Variants in EFNA5 observed in about 807,000 individuals in gnomAD.
EFNA5 encodes the protein ephrin A5.
A neutral mutation model predicts 22.9 loss-of-function variants in EFNA5; 5 were observed. That is an observed-to-expected ratio of 0.22 (90% CI 0.11 to 0.46). The LOEUF (loss-of-function observed/expected upper bound fraction) is 0.46. Ranked by LOEUF, EFNA5 falls within the 20% of genes least tolerant of loss-of-function variation. EFNA5 has a pLI of 0.99. For synonymous variants in EFNA5, 113 were observed against 112.2 expected (o/e 1.01, Z -0.04); for missense variants, 237 against 293.3 (o/e 0.81, Z 1.40).
At chr5:107,504,766 A>G (rs1747215990) in intron 1 of EFNA5, among the ~76,000 whole-genome samples, 1 of 152,214 alleles carries the variant, frequency 6.6e-6, no homozygotes, top group African/African-American at 2.4e-5. Flanking sequence ...AAGGTCTGGC[A>G]CATGTTTGTG....
intron 1 of EFNA5, among the ~76,000 whole-genome samples, chr5:107,477,545 T>C (rs1489180641): frequency 4.6e-5 from 7 of 152,208 alleles, no homozygotes; most frequent in Non-Finnish European, 8.8e-5. Flanking sequence ...ATTTATCCTA[T>C]TCTCTTATTT....
At chr5:107,484,438 G>A (rs2112404660) in intron 1 of EFNA5, among the ~76,000 whole-genome samples, 1 of 152,272 alleles carries the variant, frequency 6.6e-6, no homozygotes, top group East Asian at 1.9e-4. Context: ...GAACTAACAT[G>A]GAAGATTTAA....
chr5:107,514,717 G>A (rs1356662908), intron 1 of EFNA5, among the ~76,000 whole-genome samples: 1 of 152,038 alleles, frequency 6.6e-6, no homozygotes, highest in African/African-American at 2.4e-5. Flanking sequence ...CCCTCCAATG[G>A]CTTCCTGTCT....
chr5:107,481,612 G>C (rs1044081989), intron 1 of EFNA5, among the ~76,000 whole-genome samples: 1 of 152,086 alleles, frequency 6.6e-6, no homozygotes, highest in Admixed American at 6.5e-5. Context: ...AGCACTTTCG[G>C]AGGCCAAGGT....
At chr5:107,560,790 C>T (rs1748519230) in intron 1 of EFNA5, among the ~76,000 whole-genome samples, 1 of 152,188 alleles carries the variant, frequency 6.6e-6, no homozygotes, top group African/African-American at 2.4e-5. Flanking sequence ...ATCGTAACAG[C>T]GACTTGCTTA....
At chr5:107,608,146 C>G (rs193190139) in intron 1 of EFNA5, among the ~76,000 whole-genome samples, 2 of 152,292 alleles carry the variant, frequency 1.3e-5, no homozygotes, top group African/African-American at 4.8e-5. Context: ...TTGTACTTAT[C>G]ATACAGAAAT....
At chr5:107,553,791 T>C (rs1429580427) in intron 1 of EFNA5, among the ~76,000 whole-genome samples, 2 of 152,212 alleles carry the variant, frequency 1.3e-5, no homozygotes, top group Non-Finnish European at 2.9e-5. Flanking sequence ...ATATTGAATA[T>C]TGACATTTTT....
intron 1 of EFNA5, among the ~76,000 whole-genome samples, chr5:107,490,712 C>T (rs25970): frequency 0.39 from 59,704 of 152,020 alleles, 12,112 homozygotes; most frequent in South Asian, 0.49. Flanking sequence ...GACACTGATA[C>T]AGGTAAAGAA....
chr5:107,552,773 T>A (rs557626272), intron 1 of EFNA5, among the ~76,000 whole-genome samples: 65 of 152,346 alleles, frequency 4.3e-4, no homozygotes, highest in African/African-American at 1.3e-3. Context: ...GATGTTGTCA[T>A]GTGCACCAGA....
chr5:107,574,537 T>C (rs1394031575), intron 1 of EFNA5, among the ~76,000 whole-genome samples: 1 of 152,212 alleles, frequency 6.6e-6, no homozygotes, highest in African/African-American at 2.4e-5. Context: ...CAGCCTTTAT[T>C]CTCATAAGAA....
intron 4 of EFNA5, among the ~76,000 whole-genome samples, chr5:107,383,054 T>C (rs542453526): frequency 6.6e-6 from 1 of 152,342 alleles, no homozygotes; most frequent in Non-Finnish European, 1.5e-5. Context: ...GGCTGACCCC[T>C]GCTTCAGATA....
intron 1 of EFNA5, among the ~76,000 whole-genome samples, chr5:107,432,723 A>C (rs154645): frequency 0.45 from 68,807 of 151,976 alleles, 16,937 homozygotes; most frequent in African/African-American, 0.65. Context: ...AAAGATGGTC[A>C]CTGCTCCCCA....
intron 1 of EFNA5, among the ~76,000 whole-genome samples, chr5:107,637,649 A>G (rs142422118): frequency 6.7e-6 from 1 of 149,834 alleles, no homozygotes; most frequent in African/African-American, 2.4e-5. Context: ...GTGTGTGTGT[A>G]TATATACATA....
chr5:107,577,109 T>C (rs1391445254), intron 1 of EFNA5, among the ~76,000 whole-genome samples: 2 of 152,214 alleles, frequency 1.3e-5, no homozygotes, highest in Non-Finnish European at 1.5e-5. Flanking sequence ...GCAGATCAGA[T>C]TGTGAAATGT....
At chr5:107,607,765 C>CA (rs1160624461) in intron 1 of EFNA5, among the ~76,000 whole-genome samples, 6 of 151,906 alleles carry the variant, frequency 3.9e-5, no homozygotes, top group Admixed American at 6.6e-5. Flanking sequence ...GGGAGGAAAG[C>CA]AAAAAACAAA....
chr5:107,443,108 G>C (rs2112438011), intron 1 of EFNA5, among the ~76,000 whole-genome samples: 1 of 152,198 alleles, frequency 6.6e-6, no homozygotes, highest in South Asian at 2.1e-4. Context: ...GAAACCATTA[G>C]GGGCATTGCT....
chr5:107,538,668 T>G (rs891939630), intron 1 of EFNA5, among the ~76,000 whole-genome samples: 1 of 152,166 alleles, frequency 6.6e-6, no homozygotes, highest in African/African-American at 2.4e-5. Flanking sequence ...GGTAGGGTGG[T>G]GTAAGCCATT....
At chr5:107,407,475 T>C (rs1748254330) in intron 2 of EFNA5, among the ~76,000 whole-genome samples, 1 of 152,160 alleles carries the variant, frequency 6.6e-6, no homozygotes, top group Non-Finnish European at 1.5e-5. Flanking sequence ...ATCAAGTGGC[T>C]CACCAAAGTT....
chr5:107,556,379 G>T (rs1748415175), intron 1 of EFNA5, among the ~76,000 whole-genome samples: 1 of 152,122 alleles, frequency 6.6e-6, no homozygotes, highest in Admixed American at 6.6e-5. Flanking sequence ...GCAACAAACT[G>T]CAAAGTAAAA....
Sources: gnomAD v4.1 joint callset for allele counts (sites outside exome capture counted in the v4.1 genomes callset) on GRCh38, gnomAD v4.1.1 for gene constraint, MANE v1.5 for transcripts, NCBI Gene and HGNC (gene_info 2026-07-23, HGNC 2026-07-21) for gene names.